Variants in SLC17A7 observed in about 807,000 individuals in gnomAD.
SLC17A7 encodes solute carrier family 17 member 7, also known as vesicular glutamate transporter 1.
Under a neutral mutation model 59.1 loss-of-function variants are expected in SLC17A7, and 15 were observed. The observed-to-expected ratio is 0.25, with a 90% CI of 0.17 to 0.39. The LOEUF (loss-of-function observed/expected upper bound fraction) is 0.39. Among genes scored for constraint, SLC17A7 ranks in the 10% least tolerant of loss-of-function variants. The probability of loss-of-function intolerance (pLI) is 1.00; values close to 1 mark genes in which losing one functional copy is unlikely to be tolerated. For synonymous variants in SLC17A7, 353 were observed against 308.9 expected (o/e 1.14, Z -1.50); for missense variants, 499 against 765.1 (o/e 0.65, Z 4.10).
rs2078970712 is a variant in SLC17A7, at chr19:49,433,938, A to G, written c.724+22T>C. The G allele has an allele frequency of 6.2e-7, 1 of 1,612,704 alleles. No individual in the cohort carries two copies. The highest frequency in any genetic ancestry group is 8.5e-7 in the Non-Finnish European group (1 of 1,179,224). On this transcript the variant is annotated intron_variant, in intron 6 of 11. Coordinates refer to ENST00000221485, the MANE Select transcript of SLC17A7 (RefSeq NM_020309.4). The surrounding 1 kb of genome is among the most constrained non-coding windows in gnomAD (Gnocchi z 5.7). Reference sequence around the variant, plus strand: ...CCGCTCCGCCCCAGCGCCACCCGGAACCAGGCATCCGGGTCCCTCACCGTA... The same window carrying G: ...CCGCTCCGCCCCAGCGCCACCCGGAGCCAGGCATCCGGGTCCCTCACCGTA...
In SLC17A7 at chr19:49,431,321, G is replaced by A. The variant is rs1028366444; in HGVS notation, c.1261+17C>T. On this transcript the variant is annotated intron_variant, in intron 10 of 11. Coordinates refer to ENST00000221485, the MANE Select transcript of SLC17A7 (RefSeq NM_020309.4). This position sits in a 1 kb window ranked among gnomAD's most constrained non-coding sequence, Gnocchi z 4.6. ...AGCTGACCAGAGTCCCCCAAGCTGC[G>A]GATCCGCGGTTCTCACCAGAGATGG... is the stretch of plus-strand genomic sequence containing the variant. 6.2e-7 allele frequency: 1 copy of A among 1,612,376 alleles called. No homozygotes were observed. The highest frequency in any genetic ancestry group is 8.5e-7 in the Non-Finnish European group (1 of 1,178,728).
At chr19:49,434,296 A>G (rs1339332210) in intron 5 of SLC17A7, among the ~76,000 whole-genome samples, 6 of 112,488 alleles carry the variant, frequency 5.3e-5, no homozygotes, top group Non-Finnish European at 9.2e-5. Flanking sequence ...TCCAGGCCCA[A>G]CCCCTCCTCT....
chr19:49,439,818 T>C (rs1465870772), intron 1 of SLC17A7, among the ~76,000 whole-genome samples: 1 of 152,036 alleles, frequency 6.6e-6, no homozygotes, highest in Non-Finnish European at 1.5e-5. Flanking sequence ...CCAGAGAGAT[T>C]GACTGTGAGA....
intron 2 of SLC17A7, 104 bp from the exon 3 acceptor site, chr19:49,435,390 AC>A: frequency 1.4e-6 from 1 of 728,728 alleles, no homozygotes; most frequent in Non-Finnish European, 2.4e-6. Flanking sequence ...GCAACGAGGA[AC>A]CCCTCCCACC....
rs2078953752 is a variant in SLC17A7, at chr19:49,430,414, C to T, written c.*105G>A. ...GGAACAAGGGAGAGTGCTTCTTAGG[C>T]CTGAGGCAGGACAGAGAGGAGCAGG... On this transcript the variant is annotated 3_prime_UTR_variant, in exon 12 of 12. Coordinates refer to ENST00000221485, the MANE Select transcript of SLC17A7 (RefSeq NM_020309.4). The T allele has an allele frequency of 1.2e-6, 1 of 804,828 alleles. No homozygotes were observed. 49.9% of individuals were successfully genotyped at this position (804,828 alleles called of 1,614,324 possible). A position where few individuals can be genotyped will look rare whatever the true frequency, so the allele number is the denominator to read the frequency against.
At chr19:49,432,030 T>C (rs866596317) in intron 9 of SLC17A7, among the ~76,000 whole-genome samples, 1 of 152,160 alleles carries the variant, frequency 6.6e-6, no homozygotes, top group Non-Finnish European at 1.5e-5. Context: ...CGATCATAGC[T>C]CACTGCGGCC....
At chr19:49,432,681 G>A (rs763011390) in intron 8 of SLC17A7, 30 bp from the exon 9 acceptor site, 2 of 1,606,518 alleles carry the variant, frequency 1.2e-6, no homozygotes, top group Non-Finnish European at 1.7e-6. Context: ...GGGACACTAG[G>A]GTTCGGGGCC....
At chr19:49,434,509 A>T in intron 5 of SLC17A7, 93 bp downstream of exon 5, 1 of 1,136,180 alleles carries the variant, frequency 8.8e-7, no homozygotes, top group Admixed American at 2.7e-5. Context: ...ACAGGAGTTC[A>T]GCCCCCCCAG....
In SLC17A7 at chr19:49,441,492, C is replaced by T; in HGVS notation, c.-113G>A. ...GGGGTCCAGCCCCGGCCCGGCCGGC[C>T]CCGCAGCTCCGCTCGGGGGGAAGGA... is the stretch of plus-strand genomic sequence containing the variant. On this transcript the variant is annotated 5_prime_UTR_variant, in exon 1 of 12. Transcript: ENST00000221485. 1 of 1,079,692 alleles carries T rather than the reference C, an allele frequency of 9.3e-7. No homozygotes were observed. The highest frequency in any genetic ancestry group is 1.1e-6 in the Non-Finnish European group (1 of 893,606). 66.9% of individuals were successfully genotyped at this position (1,079,692 alleles called of 1,614,324 possible). A position where few individuals can be genotyped will look rare whatever the true frequency, so the allele number is the denominator to read the frequency against.
Position 49,436,552 on chromosome 19 carries a change from C to A in SLC17A7, c.312G>T (p.Val104=), listed in dbSNP as rs143208655. Reference sequence around the variant, plus strand: ...AAGGGCTCAGGCCTTGAGCTACCTGCACCACCACGTGGCCCCCGCGGTGGG... The same window carrying A: ...AAGGGCTCAGGCCTTGAGCTACCTGAACCACCACGTGGCCCCCGCGGTGGG... The part of the protein sequence containing the change: ...STTHRGGHVV[V]QKAQFSWDPE... The change falls in exon 2 of 12, where the codon GTG becomes GTT. Residue 104 remains valine, a synonymous_variant. Transcript: ENST00000221485. The surrounding 1 kb of genome is among the most constrained non-coding windows in gnomAD (Gnocchi z 4.1). 7.5e-4 allele frequency: 1,210 copies of A among 1,612,606 alleles called. No homozygotes were observed. The highest frequency in any genetic ancestry group is 9.2e-4 in the Non-Finnish European group (1,080 of 1,179,722).
Position 49,431,258 on chromosome 19 carries a change from T to A in SLC17A7, c.1261+80A>T. 2 of 1,584,664 alleles carry A rather than the reference T, an allele frequency of 1.3e-6. No homozygotes were observed. The highest frequency in any genetic ancestry group is 1.7e-6 in the Non-Finnish European group (2 of 1,159,866). On this transcript the variant is annotated intron_variant, in intron 10 of 11. Transcript: ENST00000221485. The surrounding 1 kb of genome is among the most constrained non-coding windows in gnomAD (Gnocchi z 4.6). ...ACTCATGTTCCACCTTTTGTGAGGC[T>A]GAGAGGCCCCGTTCCTGAGCCAGGA...
Position 49,436,473 on chromosome 19 carries a change from A to G in SLC17A7, c.315+76T>C, listed in dbSNP as rs1243953012. ...GCGTGGCCTGGACGTCTGGTGGGTG[A>G]GTGTGACGTCATGGGGGCGTAGGCG... On this transcript the variant is annotated intron_variant, in intron 2 of 11. Coordinates refer to ENST00000221485, the MANE Select transcript of SLC17A7 (RefSeq NM_020309.4). This position sits in a 1 kb window ranked among gnomAD's most constrained non-coding sequence, Gnocchi z 4.1. The G allele has an allele frequency of 1.9e-6, 3 of 1,550,930 alleles. No individual in the cohort carries two copies. Among genetic ancestry groups the G allele is most frequent in the Admixed American group, 1.7e-5 (1 of 58,096 alleles).
intron 3 of SLC17A7, 99 bp from the exon 4 acceptor site, chr19:49,434,981 AC>A: frequency 2.5e-6 from 3 of 1,215,394 alleles, no homozygotes; most frequent in South Asian, 1.3e-5. Context: ...GGTCCCCGGG[AC>A]CCCAGGTCCC....
At position 49,430,745 on chromosome 19, in the gene SLC17A7, T is replaced by C. The variant is rs1180131896; in HGVS notation, c.1457A>G (p.Tyr486Cys). The C allele has an allele frequency of 6.2e-7, 1 of 1,614,008 alleles. No homozygotes were observed. The highest frequency in any genetic ancestry group is 2.2e-5 in the East Asian group (1 of 44,866). Residue 486 changes from tyrosine (Y) to cysteine (C), a missense_variant, in exon 12 of 12, where the codon TAC becomes TGC. Coordinates refer to ENST00000221485, the MANE Select transcript of SLC17A7 (RefSeq NM_020309.4). Reference sequence around the variant, plus strand: ...CTTCTCTCCAGAAGCAAAGACCCCGTAGAAGATGACACCTCCATAGTGCAC... The same window carrying C: ...CTTCTCTCCAGAAGCAAAGACCCCGCAGAAGATGACACCTCCATAGTGCAC... ...SLVHYGGVIF[Y>C]GVFASGEKQP...
rs76539409 is a variant in SLC17A7, at chr19:49,441,411, G to A, written c.-32C>T. The A allele has an allele frequency of 5.4e-6, 8 of 1,473,150 alleles. No individual in the cohort carries two copies. The East Asian group carries it at 2.1e-4, about 38-fold the overall frequency. 91.3% of individuals were successfully genotyped at this position (1,473,150 alleles called of 1,614,324 possible). On this transcript the variant is annotated 5_prime_UTR_variant, in exon 1 of 12. Transcript: ENST00000221485. ...GGCTCCTGCCGCCGGTCACCCCGCG[G>A]GTCCCCCCCGCCGATCCCCCCGCCC...
intron 5 of SLC17A7, 46 bp from the exon 6 acceptor site, chr19:49,434,092 G>C (rs1236828134): frequency 7.7e-7 from 1 of 1,296,068 alleles, no homozygotes; most frequent in Non-Finnish European, 1.1e-6. Context: ...TCTTCCCTCA[G>C]ATCAAGGAGT....
rs1600985895 is a variant in SLC17A7, at chr19:49,434,233, C to T, written c.638-187G>A. Among the ~76,000 whole-genome samples, 7 of 151,490 alleles carry T rather than the reference C, an allele frequency of 4.6e-5. No homozygotes were observed. The South Asian group carries it at 1.5e-3, about 32-fold the overall frequency. On this transcript the variant is annotated intron_variant, in intron 5 of 11. Coordinates refer to ENST00000221485, the MANE Select transcript of SLC17A7 (RefSeq NM_020309.4). ...GGAATCCAGGCCCCCAGCTCCTCCT[C>T]CCCCAGACCCAGGAGTCCAGGCCCC...
intron 1 of SLC17A7, among the ~76,000 whole-genome samples, chr19:49,440,442 G>A (rs879597663): frequency 2.6e-5 from 4 of 152,206 alleles, no homozygotes; most frequent in Non-Finnish European, 4.4e-5. Flanking sequence ...GTGGGGAGGT[G>A]TCCAGATTAT....
In SLC17A7 at chr19:49,436,462, T is replaced by C. The variant is rs2946848; in HGVS notation, c.315+87A>G. The C allele has an allele frequency of 0.32, 483,028 of 1,525,860 alleles. 78,305 individuals are homozygous for C. The highest frequency in any genetic ancestry group is 0.34 in the Non-Finnish European group (379,605 of 1,128,856). The allele number at this position is 1,525,860 out of a possible 1,614,324, so 94.5% of individuals were successfully genotyped here. On this transcript the variant is annotated intron_variant, in intron 2 of 11. Transcript: ENST00000221485. The surrounding 1 kb of genome is among the most constrained non-coding windows in gnomAD (Gnocchi z 4.1). ...TTTCGGAAGGGGCGTGGCCTGGACG[T>C]CTGGTGGGTGAGTGTGACGTCATGG...
Sources: gnomAD v4.1 joint callset for allele counts (sites outside exome capture counted in the v4.1 genomes callset) on GRCh38, gnomAD v4.1.1 for gene constraint, Gnocchi (gnomAD v3.1) non-coding constraint, MANE v1.5 for transcripts, NCBI Gene and HGNC (gene_info 2026-07-23, HGNC 2026-07-21) for gene names.